CDH10: variants seen among roughly 807,000 people sequenced by gnomAD.
CDH10 encodes cadherin 10.
A neutral mutation model predicts 73.1 loss-of-function variants in CDH10; 30 were observed. That is an observed-to-expected ratio of 0.41 (90% CI 0.31 to 0.56). The LOEUF (loss-of-function observed/expected upper bound fraction) is 0.56, where lower values mean the gene tolerates loss of function less well. CDH10 is among the 20% of genes least tolerant of loss of function. CDH10 has a pLI of 0.27. For synonymous variants in CDH10, 345 were observed against 348.2 expected (o/e 0.99, Z 0.10); for missense variants, 815 against 973.7 (o/e 0.84, Z 2.17).
At chr5:24,638,014 C>A (rs1392850621) in intron 1 of CDH10, among the ~76,000 whole-genome samples, 1 of 151,592 alleles carries the variant, frequency 6.6e-6, no homozygotes. Context: ...ATTATGGTTG[C>A]CATTCATCTA....
Position 24,593,509 on chromosome 5 carries a change from T to G in CDH10, c.-19A>C, listed in dbSNP as rs1170997645. On this transcript the variant is annotated 5_prime_UTR_variant, in exon 2 of 12. Coordinates refer to ENST00000264463, the MANE Select transcript of CDH10 (RefSeq NM_006727.5). ...TTGTCATAGTTCACTTCTTGACAAATCCCAGTGTAGATGAAGAGAAGTGGT... is the reference window on the plus strand; with the variant it reads ...TTGTCATAGTTCACTTCTTGACAAAGCCCAGTGTAGATGAAGAGAAGTGGT... 1 of 1,395,856 alleles carries G rather than the reference T, an allele frequency of 7.2e-7. No individual in the cohort carries two copies. Among genetic ancestry groups the G allele is most frequent in the East Asian group, 2.3e-5 (1 of 43,692 alleles). 86.5% of individuals were successfully genotyped at this position (1,395,856 alleles called of 1,614,324 possible). A position where few individuals can be genotyped will look rare whatever the true frequency, so the allele number is the denominator to read the frequency against.
intron 2 of CDH10, among the ~76,000 whole-genome samples, chr5:24,547,945 T>A (rs1744401678): frequency 6.6e-6 from 1 of 152,204 alleles, no homozygotes; most frequent in Non-Finnish European, 1.5e-5. Context: ...CTTCTGTCAA[T>A]TGTTGAAGAA....
At chr5:24,641,693 C>G (rs967805891) in intron 1 of CDH10, among the ~76,000 whole-genome samples, 1 of 151,938 alleles carries the variant, frequency 6.6e-6, no homozygotes, top group African/African-American at 2.4e-5. Flanking sequence ...CTTAGTATAA[C>G]GCTTAATCAA....
At chr5:24,494,808 T>C (rs532731924) in intron 9 of CDH10, among the ~76,000 whole-genome samples, 1 of 152,194 alleles carries the variant, frequency 6.6e-6, no homozygotes, top group East Asian at 1.9e-4. Context: ...TTGAATATCA[T>C]AAAAGGGGTA....
At chr5:24,617,181 G>T (rs533649168) in intron 1 of CDH10, among the ~76,000 whole-genome samples, 2 of 151,954 alleles carry the variant, frequency 1.3e-5, no homozygotes, top group Non-Finnish European at 2.9e-5. Context: ...ATTGTAGGAT[G>T]GTTAGCAGCA....
chr5:24,616,242 A>G (rs1260717986), intron 1 of CDH10, among the ~76,000 whole-genome samples: 1 of 152,210 alleles, frequency 6.6e-6, no homozygotes, highest in East Asian at 1.9e-4. Flanking sequence ...ACAAAGTAAT[A>G]TTTAAATGTT....
chr5:24,625,428 T>A (rs1336269584), intron 1 of CDH10, among the ~76,000 whole-genome samples: 1 of 151,784 alleles, frequency 6.6e-6, no homozygotes, highest in Non-Finnish European at 1.5e-5. Context: ...AAATGACCAT[T>A]ATAGCAATGT....
At chr5:24,628,006 A>C (rs1456335656) in intron 1 of CDH10, among the ~76,000 whole-genome samples, 1 of 152,148 alleles carries the variant, frequency 6.6e-6, no homozygotes. Context: ...TGGTAATAAC[A>C]CAGGAATGGG....
chr5:24,581,456 A>C (rs1160372996), intron 2 of CDH10, among the ~76,000 whole-genome samples: 6 of 152,106 alleles, frequency 3.9e-5, no homozygotes. Flanking sequence ...TTCTGATTGC[A>C]CTTACATTTG....
chr5:24,513,712 G>T (rs73743613), intron 5 of CDH10, among the ~76,000 whole-genome samples: 5 of 151,896 alleles, frequency 3.3e-5, no homozygotes, highest in African/African-American at 1.2e-4. Flanking sequence ...TTCTATCTCC[G>T]GTAACACACC....
chr5:24,637,249 T>C (rs1747895106), intron 1 of CDH10, among the ~76,000 whole-genome samples: 2 of 151,928 alleles, frequency 1.3e-5, no homozygotes, highest in Non-Finnish European at 2.9e-5. Context: ...TGGCTTATGG[T>C]AGGCACTTAA....
intron 2 of CDH10, among the ~76,000 whole-genome samples, chr5:24,586,585 G>A (rs1428517526): frequency 6.6e-6 from 1 of 151,392 alleles, no homozygotes; most frequent in Non-Finnish European, 1.5e-5. Flanking sequence ...TGGGACTACA[G>A]GCATACACTA....
chr5:24,557,934 A>G (rs1744821922), intron 2 of CDH10, among the ~76,000 whole-genome samples: 2 of 151,836 alleles, frequency 1.3e-5, no homozygotes, highest in East Asian at 1.9e-4. Context: ...GCATTACAGC[A>G]GTTTTATATT....
chr5:24,614,894 C>T (rs968285666), intron 1 of CDH10, among the ~76,000 whole-genome samples: 2 of 152,128 alleles, frequency 1.3e-5, no homozygotes, highest in African/African-American at 4.8e-5. Flanking sequence ...TCCTGTACTC[C>T]TATTGGTCAG....
chr5:24,596,282 T>C (rs192883988), intron 1 of CDH10, among the ~76,000 whole-genome samples: 2 of 152,024 alleles, frequency 1.3e-5, no homozygotes, highest in Admixed American at 6.6e-5. Context: ...AGAATATCTT[T>C]GGCATTTCCA....
chr5:24,569,406 A>G (rs1458944523), intron 2 of CDH10, among the ~76,000 whole-genome samples: 1 of 152,124 alleles, frequency 6.6e-6, no homozygotes, highest in Non-Finnish European at 1.5e-5. Flanking sequence ...TATTTTTTAC[A>G]ATAATAAAAT....
At position 24,535,223 on chromosome 5, in the gene CDH10, C is replaced by T. The variant is rs2111878300; in HGVS notation, c.703G>A (p.Val235Met). 6.2e-7 allele frequency: 1 copy of T among 1,613,454 alleles called. No individual in the cohort carries two copies. Among genetic ancestry groups the T allele is most frequent in the Non-Finnish European group, 8.5e-7 (1 of 1,179,638 alleles). ...CCCATGTCTTTGGCCTGGATGACCA[C>T]TTGGTATTGCTCTCTGTTTTCTCTG... ...MNRENREQYQ[V>M]VIQAKDMGGQ... Residue 235 changes from valine (V) to methionine (M), a missense_variant, in exon 5 of 12, where the codon GTG becomes ATG. By Grantham distance (21) the Val-to-Met change is conservative. Around this residue, in one of 3 missense-constraint regions of CDH10, gnomAD observed 516 missense variants for 636.6 expected, o/e 0.81. Coordinates refer to ENST00000264463, the MANE Select transcript of CDH10 (RefSeq NM_006727.5).
chr5:24,534,728 T>A (rs11958032), intron 5 of CDH10, among the ~76,000 whole-genome samples: 144,842 of 152,188 alleles, frequency 0.95, 69,019 homozygotes, highest in East Asian at 1. Context: ...TCAATTTAGG[T>A]TCCCCTTTAT....
intron 2 of CDH10, among the ~76,000 whole-genome samples, chr5:24,562,579 A>T (rs547843455): frequency 6.6e-6 from 1 of 152,274 alleles, no homozygotes; most frequent in East Asian, 1.9e-4. Flanking sequence ...ATTTTATCTT[A>T]TTATTTCACT....
Sources: allele counts gnomAD v4.1 joint callset (sites outside exome capture counted in the v4.1 genomes callset), GRCh38; gene constraint gnomAD v4.1.1; regional missense constraint gnomAD v4.1.1; transcripts MANE v1.5; gene names NCBI Gene and HGNC (gene_info 2026-07-23, HGNC 2026-07-21).